COL13A1: variants seen among roughly 807,000 people sequenced by gnomAD.
COL13A1 encodes the protein collagen alpha-1(XIII) chain.
In COL13A1, 89 loss-of-function variants were observed where a neutral mutation model predicts 130.9. The ratio of observed to expected loss-of-function variants is 0.68; its 90% CI spans 0.57 to 0.81. COL13A1 has a LOEUF of 0.81. Among genes scored for constraint, COL13A1 ranks in the 30% least tolerant of loss-of-function variants. The pLI is 0.00. For synonymous variants in COL13A1, 402 were observed against 341.6 expected, an observed-to-expected ratio of 1.18 and a Z score of -1.95; for missense variants, 879 against 934.6, an observed-to-expected ratio of 0.94 and a Z score of 0.78.
At chr10:69,861,198 CAG>C (rs1422016819) in intron 2 of COL13A1, among the ~76,000 whole-genome samples, 1 of 152,304 alleles carries the variant, frequency 6.6e-6, no homozygotes, top group South Asian at 2.1e-4. Flanking sequence ...TAGCCAAGGG[CAG>C]AGTGTCAAGA....
intron 5 of COL13A1, chr10:69,877,697 TCTCACACACA>T (rs138503332): frequency 0.01 from 1,018 of 99,770 alleles, 7 homozygotes; most frequent in African/African-American, 0.037. Context: ...TCTCTCTCTC[TCTCACACACA>T]CACACACACA....
chr10:69,825,243 G>A (rs775023512), intron 2 of COL13A1, among the ~76,000 whole-genome samples: 88 of 152,156 alleles, frequency 5.8e-4, no homozygotes, highest in Non-Finnish European at 1.1e-3. Context: ...CCTCAAATTC[G>A]CAAAGAGAAC....
chr10:69,912,366 C>T (rs1311017560), intron 17 of COL13A1, among the ~76,000 whole-genome samples: 1 of 152,162 alleles, frequency 6.6e-6, no homozygotes, highest in Non-Finnish European at 1.5e-5. Context: ...TCCGCGGTTC[C>T]GGTCCTCTCT....
intron 2 of COL13A1, among the ~76,000 whole-genome samples, chr10:69,840,309 C>G (rs1328511105): frequency 2.0e-5 from 3 of 152,120 alleles, no homozygotes; most frequent in Admixed American, 2.0e-4. Context: ...ATCGAAGGAG[C>G]CCGGTGACTC....
At chr10:69,923,906 G>A in intron 24 of COL13A1, 51 bp downstream of exon 24, 2 of 1,590,326 alleles carry the variant, frequency 1.3e-6, no homozygotes, top group Non-Finnish European at 1.7e-6. Context: ...CAGCTTGGGA[G>A]GTCAAGAATC....
intron 13 of COL13A1, chr10:69,897,475 G>C (rs1054315396): frequency 6.2e-7 from 1 of 1,613,726 alleles, no homozygotes; most frequent in Non-Finnish European, 8.5e-7. Context: ...CCCAAACTAG[G>C]AGTGCCTAAG....
intron 10 of COL13A1, among the ~76,000 whole-genome samples, chr10:69,892,328 G>T (rs976072985): frequency 1.3e-5 from 2 of 152,116 alleles, no homozygotes; most frequent in African/African-American, 2.4e-5. Context: ...CACCCTCATT[G>T]TTTAACCTGT....
At chr10:69,923,758 A>G (rs561640431) in intron 23 of COL13A1, 44 bp from the exon 24 acceptor site, 2 of 1,592,038 alleles carry the variant, frequency 1.3e-6, no homozygotes, top group South Asian at 2.3e-5. Flanking sequence ...GCAGCTGTCC[A>G]GGTGCCCAGC....
At position 69,923,816 on chromosome 10, in the gene COL13A1, C is replaced by T. The variant is rs769165752; in HGVS notation, c.1245C>T (p.Val415=). ...CTCTTCCCCAGGGAGAAGCAGGTGT[C>T]GATGGCCAGGTTGGCCCCCCAGGGC... ...GPPGPKGEAG[V]DGQVGPPGQP... Residue 415 remains valine (V), a synonymous_variant, in exon 24 of 41, where the codon GTC becomes GTT. Coordinates refer to ENST00000645393, the MANE Select transcript of COL13A1 (RefSeq NM_001368882.1). 7 of 1,611,276 alleles carry T rather than the reference C, an allele frequency of 4.3e-6. No individual in the cohort carries two copies. The highest frequency in any genetic ancestry group is 2.2e-5 in the South Asian group (2 of 90,088).
intron 4 of COL13A1, among the ~76,000 whole-genome samples, chr10:69,873,414 A>G (rs2059271682): frequency 2.0e-5 from 3 of 152,176 alleles, no homozygotes; most frequent in South Asian, 4.1e-4. Context: ...AAATCCAAGG[A>G]GGGGAAACAT....
At chr10:69,900,032 T>C (rs1190314536) in intron 14 of COL13A1, among the ~76,000 whole-genome samples, 1 of 152,070 alleles carries the variant, frequency 6.6e-6, no homozygotes, top group Non-Finnish European at 1.5e-5. Context: ...AGGCCACATA[T>C]CTCATTACGC....
At chr10:69,834,320 T>A (rs190735941) in intron 2 of COL13A1, among the ~76,000 whole-genome samples, 1 of 152,252 alleles carries the variant, frequency 6.6e-6, no homozygotes, top group East Asian at 1.9e-4. Context: ...GGCCCAGTGC[T>A]TGGGGACCCC....
intron 1 of COL13A1, among the ~76,000 whole-genome samples, chr10:69,817,337 G>GCA (rs1235197352): frequency 6.6e-6 from 1 of 151,686 alleles, no homozygotes; most frequent in African/African-American, 2.4e-5. Context: ...AGATGCAGAT[G>GCA]GACGGCACGT....
chr10:69,956,622 G>A, intron 39 of COL13A1: 1 of 211,544 alleles, frequency 4.7e-6, no homozygotes, highest in Non-Finnish European at 1.0e-5. Context: ...TCCTTGCCAA[G>A]GTTTTATGGA....
chr10:69,804,411 T>C (rs1453741265), intron 1 of COL13A1, among the ~76,000 whole-genome samples: 5 of 152,070 alleles, frequency 3.3e-5, no homozygotes, highest in Non-Finnish European at 7.4e-5. Context: ...CTAGGGGCCT[T>C]GGGGCTAACT....
At chr10:69,823,262 C>G (rs925984864) in intron 2 of COL13A1, among the ~76,000 whole-genome samples, 55 of 152,168 alleles carry the variant, frequency 3.6e-4, no homozygotes, top group African/African-American at 9.7e-4. Flanking sequence ...TTTCTAGGTG[C>G]CTGTTACTTT....
chr10:69,950,367 A>C (rs1295493236), intron 38 of COL13A1, among the ~76,000 whole-genome samples: 1 of 152,130 alleles, frequency 6.6e-6, no homozygotes, highest in South Asian at 2.1e-4. Flanking sequence ...AGGACACCGG[A>C]TTTGGGGCAA....
chr10:69,921,830 A>C, intron 21 of COL13A1, 52 bp from the exon 22 acceptor site: 5 of 1,571,614 alleles, frequency 3.2e-6, no homozygotes, highest in Non-Finnish European at 3.5e-6. Context: ...GGCTTCCCAA[A>C]CCTGCTGCAG....
intron 2 of COL13A1, among the ~76,000 whole-genome samples, chr10:69,851,081 A>G (rs1352901792): frequency 6.6e-6 from 1 of 152,246 alleles, no homozygotes; most frequent in East Asian, 1.9e-4. Flanking sequence ...GCAGGGCTCC[A>G]TCTCCGCCTT....
Sources: gnomAD v4.1 joint callset for allele counts (sites outside exome capture counted in the v4.1 genomes callset) on GRCh38, gnomAD v4.1.1 for gene constraint, MANE v1.5 for transcripts, NCBI Gene and HGNC (gene_info 2026-07-23, HGNC 2026-07-21) for gene names.